CACNA2D3: variants seen among roughly 807,000 people sequenced by gnomAD.
CACNA2D3 encodes the protein voltage-dependent calcium channel subunit alpha-2/delta-3.
In CACNA2D3, 60 loss-of-function variants were observed where a neutral mutation model predicts 160.6. The observed-to-expected ratio is 0.37, with a 90% CI of 0.30 to 0.46. CACNA2D3 has a LOEUF of 0.46. CACNA2D3 is among the 20% of genes least tolerant of loss of function. The probability of loss-of-function intolerance (pLI) is 1.00; values close to 1 mark genes in which losing one functional copy is unlikely to be tolerated. For missense variants in CACNA2D3, 1,205 were observed against 1,365.0 expected (o/e 0.88, Z 1.85); for synonymous variants, 558 against 492.9 (o/e 1.13, Z -1.75).
chr3:54,763,938 A>C (rs1397832811), intron 12 of CACNA2D3, among the ~76,000 whole-genome samples: 1 of 145,870 alleles, frequency 6.9e-6, no homozygotes, highest in South Asian at 2.2e-4. Context: ...GATATTCTCC[A>C]AAGAATTAAC....
At chr3:54,691,986 C>CTT (rs1700580537) in intron 11 of CACNA2D3, among the ~76,000 whole-genome samples, 1 of 143,952 alleles carries the variant, frequency 6.9e-6, no homozygotes, top group African/African-American at 2.5e-5. Flanking sequence ...TTTCTTTCTT[C>CTT]CTTTTTTTTT....
chr3:54,851,204 A>C (rs1397139950), intron 17 of CACNA2D3, among the ~76,000 whole-genome samples: 1 of 152,238 alleles, frequency 6.6e-6, no homozygotes, highest in Non-Finnish European at 1.5e-5. Context: ...TTAATCACTG[A>C]CTAATTGAAT....
intron 11 of CACNA2D3, among the ~76,000 whole-genome samples, chr3:54,675,529 T>C (rs1436928297): frequency 1.3e-5 from 2 of 152,068 alleles, no homozygotes; most frequent in African/African-American, 4.8e-5. Context: ...CTCTTCATCT[T>C]CTCTCCCTGA....
chr3:54,930,371 A>C (rs772578857), intron 27 of CACNA2D3, among the ~76,000 whole-genome samples: 4 of 152,238 alleles, frequency 2.6e-5, no homozygotes, highest in Non-Finnish European at 5.9e-5. Context: ...CTGGTCAAAA[A>C]GCATAAATGG....
intron 2 of CACNA2D3, among the ~76,000 whole-genome samples, chr3:54,292,126 A>T (rs1457920728): frequency 2.0e-5 from 3 of 152,160 alleles, no homozygotes; most frequent in Non-Finnish European, 4.4e-5. Context: ...AGGCAAAAGA[A>T]TGAAGTTGGA....
chr3:55,058,414 T>C (rs780925375), intron 35 of CACNA2D3, among the ~76,000 whole-genome samples: 13 of 152,130 alleles, frequency 8.5e-5, no homozygotes, highest in Non-Finnish European at 1.5e-4. Context: ...CAGAGAGGAT[T>C]CCTTCTGGGG....
At chr3:54,388,053 TTTAA>T (rs1699219524) in intron 4 of CACNA2D3, among the ~76,000 whole-genome samples, 1 of 152,108 alleles carries the variant, frequency 6.6e-6, no homozygotes, top group Admixed American at 6.6e-5. Context: ...TCAAGGAAAG[TTTAA>T]TTAAGGAAAT....
At chr3:54,375,421 A>G (rs959946461) in intron 3 of CACNA2D3, among the ~76,000 whole-genome samples, 1 of 152,136 alleles carries the variant, frequency 6.6e-6, no homozygotes, top group Non-Finnish European at 1.5e-5. Context: ...TTTGAGCACA[A>G]AGTGCTCAGT....
intron 11 of CACNA2D3, among the ~76,000 whole-genome samples, chr3:54,703,881 T>G (rs1700811823): frequency 6.6e-6 from 1 of 152,196 alleles, no homozygotes; most frequent in African/African-American, 2.4e-5. Flanking sequence ...TGTAGCACTT[T>G]TAACTACTCA....
At chr3:54,587,322 C>T (rs560703261) in intron 9 of CACNA2D3, among the ~76,000 whole-genome samples, 21 of 151,956 alleles carry the variant, frequency 1.4e-4, no homozygotes, top group Non-Finnish European at 2.4e-4. Context: ...TTTGGGAGGC[C>T]GAGGCAGATG....
intron 2 of CACNA2D3, among the ~76,000 whole-genome samples, chr3:54,125,667 AT>A (rs1699577632): frequency 6.6e-6 from 1 of 151,984 alleles, no homozygotes. Context: ...CTTGGGGAGC[AT>A]TTTTCAGCTA....
At chr3:54,246,892 A>G (rs553210152) in intron 2 of CACNA2D3, among the ~76,000 whole-genome samples, 1 of 152,352 alleles carries the variant, frequency 6.6e-6, no homozygotes, top group South Asian at 2.1e-4. Context: ...TCACTTAACA[A>G]CAAGGTGTAT....
chr3:54,776,053 A>G (rs1343295248), intron 13 of CACNA2D3, among the ~76,000 whole-genome samples: 1 of 152,236 alleles, frequency 6.6e-6, no homozygotes. Flanking sequence ...GGATGAAATC[A>G]GTGTGTGTTG....
intron 5 of CACNA2D3, among the ~76,000 whole-genome samples, chr3:54,561,775 C>T (rs1559513130): frequency 6.6e-6 from 1 of 152,160 alleles, no homozygotes; most frequent in African/African-American, 2.4e-5. Flanking sequence ...TGTTATCCAT[C>T]TGTATTGGCC....
chr3:54,260,030 A>G (rs1002674439), intron 2 of CACNA2D3, among the ~76,000 whole-genome samples: 1 of 152,230 alleles, frequency 6.6e-6, no homozygotes, highest in African/African-American at 2.4e-5. Context: ...TAAGAATTAA[A>G]CCAAACAGTG....
intron 11 of CACNA2D3, among the ~76,000 whole-genome samples, chr3:54,723,793 C>G (rs1391622644): frequency 6.6e-6 from 1 of 152,230 alleles, no homozygotes; most frequent in Non-Finnish European, 1.5e-5. Flanking sequence ...CTGCGTTGAT[C>G]TCACTGGGAG....
intron 12 of CACNA2D3, among the ~76,000 whole-genome samples, chr3:54,753,480 G>A (rs975742036): frequency 1.3e-5 from 2 of 152,190 alleles, no homozygotes; most frequent in African/African-American, 4.8e-5. Flanking sequence ...ACGAGATGCA[G>A]CAGCCTTCAT....
intron 11 of CACNA2D3, among the ~76,000 whole-genome samples, chr3:54,718,837 C>A (rs960970260): frequency 6.6e-6 from 1 of 151,994 alleles, no homozygotes; most frequent in African/African-American, 2.4e-5. Flanking sequence ...TATTTTCTTT[C>A]TGTAATATTT....
intron 2 of CACNA2D3, among the ~76,000 whole-genome samples, chr3:54,316,205 T>G (rs1466845773): frequency 6.6e-6 from 1 of 152,162 alleles, no homozygotes; most frequent in Admixed American, 6.5e-5. Context: ...CTATGTGAAA[T>G]TCTTTTGTAC....
Sources: gnomAD v4.1 joint callset for allele counts (sites outside exome capture counted in the v4.1 genomes callset) on GRCh38, gnomAD v4.1.1 for gene constraint, MANE v1.5 for transcripts, NCBI Gene and HGNC (gene_info 2026-07-23, HGNC 2026-07-21) for gene names.